The following CDH13 variants were observed in gnomAD, a reference collection of about 807,000 sequenced individuals.
The protein encoded by CDH13 is cadherin-13.
In CDH13, 24 loss-of-function variants were observed where a neutral mutation model predicts 63.8. The ratio of observed to expected loss-of-function variants is 0.38; its 90% CI spans 0.27 to 0.53. The LOEUF is 0.53. CDH13 is among the 20% of genes least tolerant of loss of function. The pLI, the probability that CDH13 is intolerant of heterozygous loss-of-function variation, is 0.85. For synonymous variants in CDH13, 503 were observed against 355.3 expected, an observed-to-expected ratio of 1.42 and a Z score of -4.67; for missense variants, 1,049 against 903.1, an observed-to-expected ratio of 1.16 and a Z score of -2.07.
intron 7 of CDH13, among the ~76,000 whole-genome samples, chr16:83,566,791 C>G (rs183707616): frequency 6.6e-6 from 1 of 152,120 alleles, no homozygotes; most frequent in Non-Finnish European, 1.5e-5. Flanking sequence ...GTGTTCTTTG[C>G]GTGTTGCTTC....
intron 2 of CDH13, among the ~76,000 whole-genome samples, chr16:82,935,461 G>C (rs2042638761): frequency 6.6e-6 from 1 of 152,088 alleles, no homozygotes. Flanking sequence ...AAGCTTTTTT[G>C]GTCTCAAGAT....
chr16:83,465,149 A>T, intron 6 of CDH13, among the ~76,000 whole-genome samples: 1 of 152,262 alleles, frequency 6.6e-6, no homozygotes, highest in Non-Finnish European at 1.5e-5. Flanking sequence ...CGAGCTAAAC[A>T]AATGAATTTG....
At chr16:83,402,139 C>G (rs2091977938) in intron 6 of CDH13, among the ~76,000 whole-genome samples, 1 of 152,080 alleles carries the variant, frequency 6.6e-6, no homozygotes, top group South Asian at 2.1e-4. Context: ...AACTTTGATG[C>G]TGTACACTAG....
chr16:83,091,730 G>T (rs372625237), intron 3 of CDH13, among the ~76,000 whole-genome samples: 1 of 152,210 alleles, frequency 6.6e-6, no homozygotes. Context: ...CATAAGGGAA[G>T]GCTTTTTTGT....
chr16:83,181,955 C>G (rs565143627), intron 4 of CDH13, among the ~76,000 whole-genome samples: 5 of 152,246 alleles, frequency 3.3e-5, no homozygotes, highest in South Asian at 2.1e-4. Flanking sequence ...GAGCCCATCT[C>G]TTCTATTAAT....
chr16:83,462,505 A>C (rs1032747012), intron 6 of CDH13, among the ~76,000 whole-genome samples: 1 of 152,224 alleles, frequency 6.6e-6, no homozygotes, highest in African/African-American at 2.4e-5. Context: ...TAATCCCAGC[A>C]CTTTGGGAGG....
chr16:83,623,497 C>T (rs1457142151), intron 8 of CDH13, among the ~76,000 whole-genome samples: 6 of 152,156 alleles, frequency 3.9e-5, no homozygotes, highest in Non-Finnish European at 5.9e-5. Context: ...CCTTCGGCCT[C>T]GGAGCGGTGT....
chr16:83,076,112 AAAAAG>A (rs2032815969), intron 3 of CDH13, among the ~76,000 whole-genome samples: 1 of 152,204 alleles, frequency 6.6e-6, no homozygotes, highest in Non-Finnish European at 1.5e-5. Context: ...TGGAAGGAAA[AAAAAG>A]TAAATGAGCT....
intron 6 of CDH13, among the ~76,000 whole-genome samples, chr16:83,349,082 C>T (rs1009929699): frequency 3.6e-4 from 55 of 152,284 alleles, no homozygotes; most frequent in African/African-American, 4.8e-5. Flanking sequence ...TCCGGCTGCT[C>T]AGCACTGAAC....
chr16:83,067,764 C>T (rs886875022), intron 3 of CDH13, among the ~76,000 whole-genome samples: 1 of 152,126 alleles, frequency 6.6e-6, no homozygotes, highest in African/African-American at 2.4e-5. Context: ...AAGCAGAGAG[C>T]AGAGTAGTAA....
Position 83,344,887 on chromosome 16 carries a change from A to C in CDH13, c.662A>C (p.Asn221Thr), listed in dbSNP as rs374048975. The C allele has an allele frequency of 1.9e-6, 3 of 1,613,854 alleles. No homozygotes were observed. Among genetic ancestry groups the C allele is most frequent in the Non-Finnish European group, 2.5e-6 (3 of 1,179,834 alleles). ...YQLFVETTDV[N>T]GKTLEGPVPL... ...CTATTTGTGGAGACCACTGATGTCAATGGCAAAACTCTCGAGGGGCCGGTG... is the reference window on the plus strand; with the variant it reads ...CTATTTGTGGAGACCACTGATGTCACTGGCAAAACTCTCGAGGGGCCGGTG... Residue 221 changes from asparagine to threonine, a missense_variant, in exon 6 of 14, where the codon AAT (asparagine) becomes ACT (threonine). Physicochemically the swap from Asn to Thr is moderately conservative, Grantham distance 65 (BLOSUM62 0). Transcript: ENST00000567109.
intron 10 of CDH13, among the ~76,000 whole-genome samples, chr16:83,704,692 T>G (rs112991806): frequency 3.3e-5 from 5 of 152,236 alleles, no homozygotes; most frequent in African/African-American, 9.6e-5. Context: ...TAAGCTCTGA[T>G]AGAAAATTGT....
At chr16:83,599,944 A>G (rs1409577208) in intron 7 of CDH13, among the ~76,000 whole-genome samples, 2 of 152,200 alleles carry the variant, frequency 1.3e-5, no homozygotes, top group Non-Finnish European at 2.9e-5. Flanking sequence ...TACTGGTTTC[A>G]TATGGTCCAG....
intron 5 of CDH13, among the ~76,000 whole-genome samples, chr16:83,249,481 G>T (rs1479946075): frequency 1.3e-5 from 2 of 152,132 alleles, no homozygotes; most frequent in African/African-American, 4.8e-5. Flanking sequence ...AACTTTCTCT[G>T]CTTGAGGCAC....
chr16:83,025,591 A>G (rs1286063795), intron 2 of CDH13, among the ~76,000 whole-genome samples: 1 of 152,120 alleles, frequency 6.6e-6, no homozygotes, highest in African/African-American at 2.4e-5. Context: ...AGTTATAGGA[A>G]CTACAATTCA....
chr16:83,087,975 C>T (rs971174051), intron 3 of CDH13, among the ~76,000 whole-genome samples: 7 of 152,160 alleles, frequency 4.6e-5, no homozygotes, highest in Admixed American at 3.3e-4. Flanking sequence ...TTGGGACTGC[C>T]TCCGTCAGTG....
chr16:83,404,634 C>G (rs28393265), intron 6 of CDH13, among the ~76,000 whole-genome samples: 1 of 152,148 alleles, frequency 6.6e-6, no homozygotes, highest in Admixed American at 6.5e-5. Context: ...AATACACACA[C>G]CAAATATTTC....
intron 3 of CDH13, among the ~76,000 whole-genome samples, chr16:83,054,700 A>T (rs2030740130): frequency 6.6e-6 from 1 of 152,168 alleles, no homozygotes; most frequent in South Asian, 2.1e-4. Flanking sequence ...TAAAACTAAT[A>T]TATATAATAG....
intron 7 of CDH13, among the ~76,000 whole-genome samples, chr16:83,568,742 A>G (rs1422891700): frequency 1.3e-5 from 2 of 152,132 alleles, no homozygotes; most frequent in East Asian, 3.9e-4. Flanking sequence ...CAGCAGTTGT[A>G]AAGGATCCTC....
Sources: gnomAD v4.1 joint callset for allele counts (sites outside exome capture counted in the v4.1 genomes callset) on GRCh38, gnomAD v4.1.1 for gene constraint, MANE v1.5 for transcripts, NCBI Gene and HGNC (gene_info 2026-07-23, HGNC 2026-07-21) for gene names.